AUTS2: variants seen among roughly 807,000 people sequenced by gnomAD.
AUTS2 encodes autism susceptibility gene 2 protein.
A neutral mutation model predicts 112.4 loss-of-function variants in AUTS2; 17 were observed. The observed-to-expected ratio is 0.15, with a 90% CI of 0.10 to 0.23. AUTS2 has a LOEUF of 0.23. Ranked by LOEUF, AUTS2 falls within the 10% of genes least tolerant of loss-of-function variation. The pLI, the probability that AUTS2 is intolerant of heterozygous loss-of-function variation, is 1.00. For synonymous variants in AUTS2, 751 were observed against 702.7 expected (o/e 1.07, Z -1.09); for missense variants, 1,510 against 1,701.6 (o/e 0.89, Z 1.98).
chr7:70,062,094 T>C (rs1022670820), intron 2 of AUTS2, among the ~76,000 whole-genome samples: 3 of 151,706 alleles, frequency 2.0e-5, no homozygotes, highest in African/African-American at 7.3e-5. Flanking sequence ...AGCCGAGTTG[T>C]TTCTTCCCTA....
intron 5 of AUTS2, among the ~76,000 whole-genome samples, chr7:70,599,097 G>T (rs1803345005): frequency 6.6e-6 from 1 of 152,210 alleles, no homozygotes; most frequent in East Asian, 1.9e-4. Context: ...CATAGGCTGT[G>T]TAGTGGGTAT....
intron 2 of AUTS2, among the ~76,000 whole-genome samples, chr7:70,105,580 A>G (rs2129570335): frequency 6.6e-6 from 1 of 152,280 alleles, no homozygotes; most frequent in South Asian, 2.1e-4. Flanking sequence ...TGTAGTGGGC[A>G]TATTAATTGC....
At chr7:70,504,365 C>G (rs867918715) in intron 5 of AUTS2, among the ~76,000 whole-genome samples, 1 of 150,738 alleles carries the variant, frequency 6.6e-6, no homozygotes, top group Non-Finnish European at 1.5e-5. Context: ...TCTGTTGAAG[C>G]TATTCTGGAA....
chr7:70,640,279 C>T (rs1421986779), intron 5 of AUTS2, among the ~76,000 whole-genome samples: 2 of 151,374 alleles, frequency 1.3e-5, no homozygotes, highest in South Asian at 2.1e-4. Flanking sequence ...GGTGGTGGCC[C>T]GGATGGTAGG....
At chr7:70,014,099 G>A (rs1799923609) in intron 2 of AUTS2, among the ~76,000 whole-genome samples, 1 of 152,122 alleles carries the variant, frequency 6.6e-6, no homozygotes, top group South Asian at 2.1e-4. Context: ...ACTATAATGA[G>A]CAGAAGGCAA....
At chr7:70,486,245 C>T (rs907325323) in intron 5 of AUTS2, among the ~76,000 whole-genome samples, 4 of 152,168 alleles carry the variant, frequency 2.6e-5, no homozygotes, top group Non-Finnish European at 4.4e-5. Flanking sequence ...TGTAAGCTTG[C>T]TAGTCAGGCT....
rs116248589 is a variant in AUTS2 at position 70,538,835 on chromosome 7, C to T, written c.690+103054C>T. Among the ~76,000 whole-genome samples the T allele has an allele frequency of 1.9e-3, 290 of 152,288 alleles. 4 individuals are homozygous for T. The highest frequency in any genetic ancestry group is 6.7e-3 in the African/African-American group (277 of 41,556). Reference sequence around the variant, plus strand: ...GAACATGTCATAGATATGTTCTTTTCGTAGAACAGTTATATATTCTTTCCT... The same window carrying T: ...GAACATGTCATAGATATGTTCTTTTTGTAGAACAGTTATATATTCTTTCCT... On this transcript the variant is annotated intron_variant, in intron 5 of 18. Transcript: ENST00000342771.
chr7:70,512,378 G>A (rs186512056), intron 5 of AUTS2, among the ~76,000 whole-genome samples: 30 of 152,268 alleles, frequency 2.0e-4, no homozygotes, highest in East Asian at 7.7e-4. Context: ...GGAGGGAAGT[G>A]TGAAATTCTT....
At chr7:70,477,409 G>C (rs1200033359) in intron 5 of AUTS2, among the ~76,000 whole-genome samples, 1 of 152,176 alleles carries the variant, frequency 6.6e-6, no homozygotes, top group African/African-American at 2.4e-5. Flanking sequence ...CACAGAACTA[G>C]TCGTGGAAGT....
At chr7:70,343,428 G>A (rs1334749865) in intron 4 of AUTS2, among the ~76,000 whole-genome samples, 1 of 152,216 alleles carries the variant, frequency 6.6e-6, no homozygotes, top group East Asian at 1.9e-4. Context: ...GACACTAATT[G>A]AAGGCCCATT....
chr7:70,662,678 G>T (rs1217880535), intron 5 of AUTS2, among the ~76,000 whole-genome samples: 1 of 152,174 alleles, frequency 6.6e-6, no homozygotes, highest in Non-Finnish European at 1.5e-5. Flanking sequence ...AGGGTAGGCA[G>T]GTGTTAAGAA....
chr7:69,744,605 G>A (rs1306712431), intron 1 of AUTS2, among the ~76,000 whole-genome samples: 2 of 151,738 alleles, frequency 1.3e-5, no homozygotes, highest in Admixed American at 1.3e-4. Flanking sequence ...GGCTGAGGTA[G>A]GAGTATTGCT....
intron 5 of AUTS2, among the ~76,000 whole-genome samples, chr7:70,548,240 C>A (rs1800870126): frequency 6.6e-6 from 1 of 152,120 alleles, no homozygotes; most frequent in Non-Finnish European, 1.5e-5. Flanking sequence ...CTATTAAAAT[C>A]TTCTTCCCAC....
chr7:70,092,059 C>T (rs1471265514), intron 2 of AUTS2, among the ~76,000 whole-genome samples: 2 of 108,332 alleles, frequency 1.8e-5, no homozygotes, highest in African/African-American at 7.9e-5. Flanking sequence ...GTGCCAGTTA[C>T]AGGTCTGTGA....
intron 2 of AUTS2, among the ~76,000 whole-genome samples, chr7:69,940,181 G>A (rs1244022991): frequency 6.6e-6 from 1 of 152,174 alleles, no homozygotes; most frequent in Non-Finnish European, 1.5e-5. Flanking sequence ...TTGAACCTGG[G>A]CAGGCAGTTC....
At chr7:69,783,088 CTTTTTTTTTTT>C (rs398047755) in intron 1 of AUTS2, among the ~76,000 whole-genome samples, 10 of 85,130 alleles carry the variant, frequency 1.2e-4, no homozygotes, top group Admixed American at 4.0e-4. Context: ...TGCTGCTCAT[CTTTTTTTTTTT>C]TTTTTTTTTT....
chr7:69,889,669 G>T (rs138455952), intron 1 of AUTS2, among the ~76,000 whole-genome samples: 21 of 152,134 alleles, frequency 1.4e-4, no homozygotes, highest in Non-Finnish European at 2.9e-4. Flanking sequence ...CATGTAAAAA[G>T]AATAATGGTT....
At chr7:70,262,543 A>C (rs563913487) in intron 4 of AUTS2, among the ~76,000 whole-genome samples, 1 of 152,226 alleles carries the variant, frequency 6.6e-6, no homozygotes, top group African/African-American at 2.4e-5. Context: ...AAGAAGAGGA[A>C]CTGTTAAAAC....
At chr7:70,784,739 T>C in intron 15 of AUTS2, 1 of 441,464 alleles carries the variant, frequency 2.3e-6, no homozygotes, top group Admixed American at 5.1e-5. Flanking sequence ...ATTTTCTGCT[T>C]CCTAAAAAAA....
Sources: gnomAD v4.1 joint callset for allele counts (sites outside exome capture counted in the v4.1 genomes callset) on GRCh38, gnomAD v4.1.1 for gene constraint, MANE v1.5 for transcripts, NCBI Gene and HGNC (gene_info 2026-07-23, HGNC 2026-07-21) for gene names.